The following BCKDHB variants were observed in gnomAD, a reference collection of about 807,000 sequenced individuals.
The protein encoded by BCKDHB is 2-oxoisovalerate dehydrogenase subunit beta, mitochondrial.
A neutral mutation model predicts 48.5 loss-of-function variants in BCKDHB; 41 were observed. The ratio of observed to expected loss-of-function variants is 0.85; its 90% CI spans 0.66 to 1.10. The LOEUF (loss-of-function observed/expected upper bound fraction) is 1.10, where lower values mean the gene tolerates loss of function less well. BCKDHB is among the 50% of genes least tolerant of loss of function. The pLI is 0.00. For missense variants in BCKDHB, 496 were observed against 494.2 expected, an observed-to-expected ratio of 1.00 and a Z score of -0.03; for synonymous variants, 201 against 174.8, an observed-to-expected ratio of 1.15 and a Z score of -1.18.
chr6:80,213,896 A>G (rs1775055052), intron 8 of BCKDHB, among the ~76,000 whole-genome samples: 2 of 152,150 alleles, frequency 1.3e-5, no homozygotes, highest in African/African-American at 2.4e-5. Flanking sequence ...GTAGTCTATC[A>G]TAGGAGCAGG....
intron 3 of BCKDHB, among the ~76,000 whole-genome samples, chr6:80,131,462 C>T (rs1378821318): frequency 6.6e-6 from 1 of 151,826 alleles, no homozygotes; most frequent in African/African-American, 2.4e-5. Flanking sequence ...CTAATCTGGC[C>T]CCTCCTTTCC....
intron 3 of BCKDHB, among the ~76,000 whole-genome samples, chr6:80,161,934 T>C (rs1772337109): frequency 6.6e-6 from 1 of 152,222 alleles, no homozygotes; most frequent in Non-Finnish European, 1.5e-5. Context: ...GTTGCTGTCT[T>C]TCATTTCCCT....
At chr6:80,151,041 T>C (rs1771749030) in intron 3 of BCKDHB, among the ~76,000 whole-genome samples, 1 of 152,198 alleles carries the variant, frequency 6.6e-6, no homozygotes, top group African/African-American at 2.4e-5. Context: ...TGTGTACTTA[T>C]TCACACATGA....
At chr6:80,444,780 A>G in the BCKDHB span, among the ~76,000 whole-genome samples, 1 of 152,208 alleles carries the variant, frequency 6.6e-6, no homozygotes, top group Admixed American at 6.5e-5. Flanking sequence ...AGTAAATAAT[A>G]TCGTCAAATT....
At chr6:80,448,248 A>G in the BCKDHB span, among the ~76,000 whole-genome samples, 3 of 152,206 alleles carry the variant, frequency 2.0e-5, no homozygotes, top group Non-Finnish European at 4.4e-5. Flanking sequence ...TGATGTGGAC[A>G]CAGGAAAAGT....
chr6:80,424,020 G>A, the BCKDHB span, among the ~76,000 whole-genome samples: 1 of 152,088 alleles, frequency 6.6e-6, no homozygotes, highest in Non-Finnish European at 1.5e-5. Flanking sequence ...TGGTGATAGA[G>A]GCATGAAACA....
chr6:80,374,397 A>G, the BCKDHB span: 2 of 793,268 alleles, frequency 2.5e-6, no homozygotes, highest in South Asian at 2.7e-5. Context: ...TCGGAATGGT[A>G]CGCACCGTTT....
intron 9 of BCKDHB, among the ~76,000 whole-genome samples, chr6:80,320,820 G>A (rs1251762472): frequency 6.6e-6 from 1 of 152,072 alleles, no homozygotes; most frequent in African/African-American, 2.4e-5. Context: ...ATTTTCTTAT[G>A]TCACTTATAC....
At chr6:80,219,329 C>A (rs990851485) in intron 8 of BCKDHB, among the ~76,000 whole-genome samples, 1 of 152,022 alleles carries the variant, frequency 6.6e-6, no homozygotes, top group African/African-American at 2.4e-5. Flanking sequence ...GCCTCAGACT[C>A]CCAAGTAGCT....
intron 3 of BCKDHB, among the ~76,000 whole-genome samples, chr6:80,129,610 G>A (rs1398876836): frequency 6.6e-6 from 1 of 151,868 alleles, no homozygotes; most frequent in Non-Finnish European, 1.5e-5. Context: ...TTATCTTTTC[G>A]GGAAGAGAGA....
chr6:80,386,290 A>G, the BCKDHB span, among the ~76,000 whole-genome samples: 2 of 151,992 alleles, frequency 1.3e-5, no homozygotes, highest in African/African-American at 2.4e-5. Context: ...ACTATTTACA[A>G]TAGCAAGGTA....
the BCKDHB span, among the ~76,000 whole-genome samples, chr6:80,435,219 A>C: frequency 3.3e-5 from 5 of 152,174 alleles, no homozygotes; most frequent in African/African-American, 1.2e-4. Context: ...ATGAACCTCT[A>C]TCATGGCCAG....
At chr6:80,129,858 A>T (rs996251250) in intron 3 of BCKDHB, among the ~76,000 whole-genome samples, 9 of 152,188 alleles carry the variant, frequency 5.9e-5, no homozygotes, top group Admixed American at 3.3e-4. Flanking sequence ...TGCTTTATTC[A>T]AAATCTACTG....
chr6:80,264,026 A>C (rs897889846), intron 8 of BCKDHB, among the ~76,000 whole-genome samples: 1 of 152,170 alleles, frequency 6.6e-6, no homozygotes, highest in African/African-American at 2.4e-5. Context: ...TTTTTTTAGA[A>C]AAGAACAAAG....
At chr6:80,392,346 G>T in the BCKDHB span, among the ~76,000 whole-genome samples, 63 of 151,220 alleles carry the variant, frequency 4.2e-4, no homozygotes, top group African/African-American at 1.4e-3. Flanking sequence ...AGAATATTTT[G>T]TTCTATTAGG....
intron 9 of BCKDHB, among the ~76,000 whole-genome samples, chr6:80,326,370 G>A (rs1769030779): frequency 6.6e-6 from 1 of 152,058 alleles, no homozygotes; most frequent in South Asian, 2.1e-4. Context: ...TGGCATTTGA[G>A]ACCTTTATTG....
chr6:80,426,355 C>T, the BCKDHB span, among the ~76,000 whole-genome samples: 20 of 151,502 alleles, frequency 1.3e-4, no homozygotes, highest in Admixed American at 9.2e-4. Flanking sequence ...TTATTATTGT[C>T]TTCTTCTCTT....
At chr6:80,428,836 A>G in the BCKDHB span, among the ~76,000 whole-genome samples, 2 of 152,098 alleles carry the variant, frequency 1.3e-5, no homozygotes, top group African/African-American at 2.4e-5. Context: ...GTTCACTCTG[A>G]TGATAGTTTC....
intron 8 of BCKDHB, among the ~76,000 whole-genome samples, chr6:80,230,320 G>C (rs1374202082): frequency 6.6e-6 from 1 of 151,866 alleles, no homozygotes; most frequent in Admixed American, 6.6e-5. Flanking sequence ...TTACAGGCGT[G>C]AGCCACCGCG....
Sources: gnomAD v4.1 joint callset for allele counts (sites outside exome capture counted in the v4.1 genomes callset) on GRCh38, gnomAD v4.1.1 for gene constraint, MANE v1.5 for transcripts, NCBI Gene and HGNC (gene_info 2026-07-23, HGNC 2026-07-21) for gene names.